Variants in SORCS2 observed in about 807,000 individuals in gnomAD.
SORCS2 encodes the protein sortilin related VPS10 domain containing receptor 2.
In SORCS2, 100 loss-of-function variants were observed where a neutral mutation model predicts 141.6. The observed-to-expected ratio is 0.71, with a 90% CI of 0.60 to 0.83. SORCS2 has a LOEUF of 0.83. Among genes scored for constraint, SORCS2 ranks in the 40% least tolerant of loss-of-function variants. SORCS2 has a pLI of 0.00. For missense variants in SORCS2, 1,646 were observed against 1,560.2 expected (o/e 1.05, Z -0.93); for synonymous variants, 789 against 676.9 (o/e 1.17, Z -2.57).
intron 3 of SORCS2, among the ~76,000 whole-genome samples, chr4:7,582,387 C>G (rs376049444): frequency 6.6e-6 from 1 of 152,320 alleles, no homozygotes; most frequent in Admixed American, 6.5e-5. Flanking sequence ...ACTTCACTTA[C>G]CCTTCTCCAG....
At chr4:7,536,293 T>C (rs1027973070) in intron 3 of SORCS2, among the ~76,000 whole-genome samples, 3 of 152,234 alleles carry the variant, frequency 2.0e-5, no homozygotes, top group South Asian at 2.1e-4. Context: ...GGTTAATGCA[T>C]ATACGGTACC....
chr4:7,341,985 AC>A (rs1720394814), intron 1 of SORCS2, among the ~76,000 whole-genome samples: 2 of 152,366 alleles, frequency 1.3e-5, no homozygotes, highest in African/African-American at 4.8e-5. Flanking sequence ...TTTACAAAGC[AC>A]AATATTTTCA....
chr4:7,703,228 A>G, intron 12 of SORCS2, 52 bp from the exon 13 acceptor site: 4 of 1,478,748 alleles, frequency 2.7e-6, no homozygotes, highest in Non-Finnish European at 3.7e-6. Context: ...AGCCTGGAAC[A>G]ACCTCCGACC....
chr4:7,241,735 C>T (rs933295028), intron 1 of SORCS2, among the ~76,000 whole-genome samples: 14 of 152,204 alleles, frequency 9.2e-5, no homozygotes, highest in Non-Finnish European at 1.5e-4. Flanking sequence ...TTTTCTTTTC[C>T]GTTCCGATTC....
Position 7,654,167 on chromosome 4 carries a change from A to G in SORCS2, c.847A>G (p.Thr283Ala). 2.5e-6 allele frequency: 4 copies of G among 1,583,710 alleles called. No homozygotes were observed. Among genetic ancestry groups the G allele is most frequent in the Non-Finnish European group, 3.4e-6 (4 of 1,163,472 alleles). ...GTCATCTGACTTGGGGAAAAAGTGGACACTTCTGCAAGAGCGAGTGACCAA... is the reference window on the plus strand; with the variant it reads ...GTCATCTGACTTGGGGAAAAAGTGGGCACTTCTGCAAGAGCGAGTGACCAA... ...YVSSDLGKKW[T>A]LLQERVTKDH... Residue 283 changes from threonine to alanine, a missense_variant, in exon 5 of 27, where the codon ACA becomes GCA. By Grantham distance (58) the Thr-to-Ala change is moderately conservative. Coordinates refer to ENST00000507866, the MANE Select transcript of SORCS2 (RefSeq NM_020777.3).
chr4:7,693,529 G>T (rs1724393599), intron 11 of SORCS2, among the ~76,000 whole-genome samples: 1 of 152,218 alleles, frequency 6.6e-6, no homozygotes, highest in African/African-American at 2.4e-5. Flanking sequence ...CCTGCTCCCT[G>T]CACTGTCCTT....
At chr4:7,368,839 A>G (rs1722071912) in intron 1 of SORCS2, among the ~76,000 whole-genome samples, 1 of 152,136 alleles carries the variant, frequency 6.6e-6, no homozygotes, top group African/African-American at 2.4e-5. Context: ...GAGGTGATTG[A>G]ATTATGGGGG....
chr4:7,484,158 C>T (rs575506328), intron 2 of SORCS2, among the ~76,000 whole-genome samples: 5 of 152,180 alleles, frequency 3.3e-5, no homozygotes, highest in African/African-American at 9.7e-5. Flanking sequence ...TCCATCCCAG[C>T]GGTCCCGGTA....
chr4:7,425,174 C>T lies in SORCS2; in HGVS notation c.548+28819C>T, dbSNP rs190755612. On this transcript the variant is annotated intron_variant, in intron 2 of 26. Coordinates refer to ENST00000507866, the MANE Select transcript of SORCS2 (RefSeq NM_020777.3). ...ACCAGAATCCACTAGGAACAGCACA[C>T]CACGCAGGAGCCTCCGTTTTCGGTT... is the stretch of plus-strand genomic sequence containing the variant. Among the ~76,000 whole-genome samples, 102 of 152,332 alleles carry T rather than the reference C, an allele frequency of 6.7e-4. 1 individual carries two copies. The highest frequency in any genetic ancestry group is 2.8e-4 in the Non-Finnish European group (19 of 68,026).
chr4:7,216,117 A>G (rs377570726), intron 1 of SORCS2, among the ~76,000 whole-genome samples: 1 of 152,182 alleles, frequency 6.6e-6, no homozygotes, highest in African/African-American at 2.4e-5. Context: ...AGCCAGAGAG[A>G]CCACGAGCCC....
At chr4:7,509,020 C>T (rs531998771) in intron 2 of SORCS2, among the ~76,000 whole-genome samples, 11 of 152,278 alleles carry the variant, frequency 7.2e-5, no homozygotes, top group Middle Eastern at 3.4e-3. Context: ...CACGCTGCCT[C>T]GGCACGGCGA....
rs926945629 is a variant in SORCS2, at chr4:7,659,623, A to G, written c.888-1877A>G. Among the ~76,000 whole-genome samples, 7 of 152,222 alleles carry G rather than the reference A, an allele frequency of 4.6e-5. No homozygotes were observed. In the South Asian group the frequency reaches 1.2e-3, roughly 27 times the overall value. The stretch of plus-strand genomic sequence containing the variant: ...GAGAGGACGAGTACTGCATAAATTC[A>G]AGGCAGAATTGGTGCCAGAGTACTT... On this transcript the variant is annotated intron_variant, in intron 5 of 26. Transcript: ENST00000507866.
intron 2 of SORCS2, chr4:7,433,207 C>A: frequency 8.3e-7 from 1 of 1,207,370 alleles, no homozygotes; most frequent in Non-Finnish European, 1.1e-6. Context: ...CTGCTCCTTC[C>A]CAGCCTCCCT....
intron 2 of SORCS2, among the ~76,000 whole-genome samples, chr4:7,502,781 G>A (rs561158276): frequency 4.3e-5 from 5 of 116,030 alleles, no homozygotes; most frequent in Non-Finnish European, 9.8e-5. Flanking sequence ...ACCACTGTGC[G>A]GGGAGCAGGG....
chr4:7,673,281 C>T lies in SORCS2; in HGVS notation c.1162-2769C>T, dbSNP rs556541735. Among the ~76,000 whole-genome samples the T allele has an allele frequency of 2.0e-4, 31 of 152,276 alleles. No individual in the cohort carries two copies. In the South Asian group the frequency reaches 4.4e-3, roughly 21 times the overall value. On this transcript the variant is annotated intron_variant, in intron 8 of 26. Coordinates refer to ENST00000507866, the MANE Select transcript of SORCS2 (RefSeq NM_020777.3). Reference sequence around the variant, plus strand: ...ATTAACAGCAGATAACAAGAGCTTTCGAAATGTTGCGATGTGGCAATTTCC... The same window carrying T: ...ATTAACAGCAGATAACAAGAGCTTTTGAAATGTTGCGATGTGGCAATTTCC...
intron 4 of SORCS2, among the ~76,000 whole-genome samples, chr4:7,650,199 C>G (rs371811624): frequency 6.6e-6 from 1 of 152,324 alleles, no homozygotes; most frequent in African/African-American, 2.4e-5. Flanking sequence ...GTGAATCACT[C>G]AATTGCTGCG....
intron 2 of SORCS2, among the ~76,000 whole-genome samples, chr4:7,522,281 T>A (rs1733377283): frequency 6.6e-6 from 1 of 152,076 alleles, no homozygotes; most frequent in African/African-American, 2.4e-5. Flanking sequence ...ATGGAGTAAT[T>A]ATAGGGGAGG....
At chr4:7,629,823 A>G (rs1719764632) in intron 3 of SORCS2, among the ~76,000 whole-genome samples, 1 of 151,664 alleles carries the variant, frequency 6.6e-6, no homozygotes, top group Admixed American at 6.6e-5. Flanking sequence ...CCTCAGCTTC[A>G]TCTCCCCCAA....
intron 3 of SORCS2, among the ~76,000 whole-genome samples, chr4:7,539,082 C>T (rs1327537307): frequency 6.6e-6 from 1 of 152,164 alleles, no homozygotes; most frequent in Admixed American, 6.5e-5. Flanking sequence ...GGCCCCATAG[C>T]CGGTGGGCTG....
Sources: allele counts gnomAD v4.1 joint callset (sites outside exome capture counted in the v4.1 genomes callset), GRCh38; gene constraint gnomAD v4.1.1; transcripts MANE v1.5; gene names NCBI Gene and HGNC (gene_info 2026-07-23, HGNC 2026-07-21).